ZFR: variants seen among roughly 807,000 people sequenced by gnomAD.
ZFR encodes zinc finger RNA binding protein.
ZFR carries 19 observed loss-of-function variants against 130.7 expected under a neutral mutation model. The observed-to-expected ratio is 0.15, with a 90% confidence interval of 0.10 to 0.21. The LOEUF is 0.21. ZFR is among the 10% of genes least tolerant of loss of function. ZFR has a pLI of 1.00. For missense variants in ZFR, 872 were observed against 1,321.5 expected (o/e 0.66, Z 5.27); for synonymous variants, 466 against 456.9 (o/e 1.02, Z -0.25).
intron 17 of ZFR, among the ~76,000 whole-genome samples, chr5:32,371,422 A>G (rs969907446): frequency 2.0e-5 from 3 of 152,186 alleles, no homozygotes; most frequent in African/African-American, 7.2e-5. Flanking sequence ...AAAATGTAAT[A>G]GCTTGAATCA....
At chr5:32,398,011 C>A (rs1459943514) in intron 9 of ZFR, among the ~76,000 whole-genome samples, 1 of 151,782 alleles carries the variant, frequency 6.6e-6, no homozygotes, top group Non-Finnish European at 1.5e-5. Context: ...GTGCCCACCA[C>A]CACGCCCAGC....
rs2111784575 is a variant in ZFR at position 32,406,928 on chromosome 5, G to A, written c.878C>T (p.Ala293Val). Reference sequence around the variant, plus strand: ...AGCTGTTGCAGCAGCAGCAGCAGCTGCTGCTGCTGCCTGCTTCTGTTGCTG... The same window carrying A: ...AGCTGTTGCAGCAGCAGCAGCAGCTACTGCTGCTGCCTGCTTCTGTTGCTG... ...QQQQQKQAAA[A>V]AAAAAATAAW... is the part of the protein sequence containing the mutation. The change falls in exon 6 of 20, where the codon GCA becomes GTA. Residue 293 changes from alanine (A) to valine (V), a missense_variant. Physicochemically the swap from Ala to Val is moderately conservative, Grantham distance 64. This residue lies in a region of ZFR where 240 missense variants were observed against 441.2 expected (regional missense o/e 0.54). Transcript: ENST00000265069. The A allele has an allele frequency of 2.5e-6, 4 of 1,602,936 alleles. No homozygotes were observed. Among genetic ancestry groups the A allele is most frequent in the Non-Finnish European group, 3.4e-6 (4 of 1,177,348 alleles).
chr5:32,427,374 C>CAAAAAAAAAAAAAAAAAAA (rs540663022), intron 2 of ZFR, among the ~76,000 whole-genome samples: 3 of 66,502 alleles, frequency 4.5e-5, no homozygotes, highest in Admixed American at 1.7e-4. Flanking sequence ...GACTCTGTCT[C>CAAAAAAAAAAAAAAAAAAA]AAAAAAAAAA....
Position 32,436,207 on chromosome 5 carries a change from G to A in ZFR, c.137+8022C>T, listed in dbSNP as rs564158264. Among the ~76,000 whole-genome samples, 14 of 130,432 alleles carry A rather than the reference G, an allele frequency of 1.1e-4. No homozygotes were observed. In the South Asian group the frequency reaches 3.0e-3, roughly 28 times the overall value. 85.6% of individuals were successfully genotyped at this position (130,432 alleles called of 152,430 possible). A position where few individuals can be genotyped will look rare whatever the true frequency, so the allele number is the denominator to read the frequency against. On this transcript the variant is annotated intron_variant, in intron 2 of 19. Coordinates refer to ENST00000265069, the MANE Select transcript of ZFR (RefSeq NM_016107.5). The stretch of plus-strand genomic sequence containing the variant: ...TCTGTCGCCCAGGCTGGAGTGCAGT[G>A]GCGCGATCTCGGCTCACTGCAAGCT...
intron 15 of ZFR, among the ~76,000 whole-genome samples, chr5:32,383,384 A>G (rs920307514): frequency 6.6e-6 from 1 of 152,200 alleles, no homozygotes; most frequent in African/African-American, 2.4e-5. Flanking sequence ...AAAACACACA[A>G]AATACTTAAC....
intron 11 of ZFR, 92 bp from the exon 12 acceptor site, chr5:32,390,529 C>A (rs1753144755): frequency 1.6e-6 from 2 of 1,252,192 alleles, no homozygotes; most frequent in South Asian, 4.2e-5. Context: ...ATAAAAAACC[C>A]CACCAACATC....
intron 6 of ZFR, among the ~76,000 whole-genome samples, chr5:32,405,878 G>A (rs1219196177): frequency 1.3e-5 from 2 of 152,140 alleles, no homozygotes; most frequent in African/African-American, 4.8e-5. Flanking sequence ...ATAACTCAGG[G>A]AATGTTAGAA....
At chr5:32,361,486 G>T (rs1326311728) in intron 19 of ZFR, among the ~76,000 whole-genome samples, 1 of 151,968 alleles carries the variant, frequency 6.6e-6, no homozygotes, top group Non-Finnish European at 1.5e-5. Flanking sequence ...ACTTATAAAA[G>T]GTCCTTCCTA....
chr5:32,360,371 C>T (rs770433508), intron 19 of ZFR, among the ~76,000 whole-genome samples: 4 of 152,206 alleles, frequency 2.6e-5, no homozygotes, highest in Non-Finnish European at 2.9e-5. Flanking sequence ...CCAAGCCCAA[C>T]AGCAGTTACT....
At chr5:32,443,923 G>A (rs781696717) in intron 2 of ZFR, among the ~76,000 whole-genome samples, 1 of 152,180 alleles carries the variant, frequency 6.6e-6, no homozygotes, top group Admixed American at 6.5e-5. Flanking sequence ...GGCTCCGCTC[G>A]GCGGCCGCAG....
chr5:32,443,054 A>AT (rs1421340711), intron 2 of ZFR, among the ~76,000 whole-genome samples: 1 of 152,120 alleles, frequency 6.6e-6, no homozygotes, highest in African/African-American at 2.4e-5. Context: ...TTATTCAAAA[A>AT]AAAAAAATCA....
chr5:32,379,341 G>A, intron 16 of ZFR, 131 bp from the exon 17 acceptor site: 2 of 787,572 alleles, frequency 2.5e-6, no homozygotes, highest in Admixed American at 2.0e-5. Flanking sequence ...ACTTAAAATT[G>A]GATTCAATGA....
intron 2 of ZFR, among the ~76,000 whole-genome samples, chr5:32,428,224 G>A (rs144657899): frequency 1.3e-3 from 201 of 152,230 alleles, no homozygotes; most frequent in Admixed American, 3.6e-3. Context: ...GACCAGTCTG[G>A]CCAACATGGT....
At chr5:32,428,292 T>C (rs1331795850) in intron 2 of ZFR, among the ~76,000 whole-genome samples, 1 of 152,096 alleles carries the variant, frequency 6.6e-6, no homozygotes, top group East Asian at 1.9e-4. Context: ...CACATGCCTG[T>C]AGTCCCAGCT....
chr5:32,434,381 G>A (rs534634090), intron 2 of ZFR, among the ~76,000 whole-genome samples: 184 of 152,254 alleles, frequency 1.2e-3, no homozygotes, highest in Middle Eastern at 3.4e-3. Flanking sequence ...CTGATAATTG[G>A]GAAACATTTT....
chr5:32,411,534 C>T lies in ZFR; in HGVS notation c.784+3435G>A, dbSNP rs562746742. The stretch of plus-strand genomic sequence containing the variant: ...TAAAACCCCGTCTCTACTAAAAATA[C>T]AAAAATGAGCCAGGTATGGTGGTAC... On this transcript the variant is annotated intron_variant, in intron 5 of 19. Coordinates refer to ENST00000265069, the MANE Select transcript of ZFR (RefSeq NM_016107.5). 5.9e-5 allele frequency among the ~76,000 whole-genome samples: 9 copies of T among 151,728 alleles called. No homozygotes were observed. In the East Asian group the frequency reaches 1.5e-3, roughly 26 times the overall value.
intron 3 of ZFR, among the ~76,000 whole-genome samples, 196 bp downstream of exon 3, chr5:32,419,625 A>AC (rs1753908305): frequency 6.6e-6 from 1 of 152,206 alleles, no homozygotes. Context: ...GGCATGAGCC[A>AC]CCGCGCCCAG....
At position 32,355,004 on chromosome 5, in the gene ZFR, T is replaced by C. The variant is rs1752274948; in HGVS notation, c.*756A>G. 1 of 152,236 alleles carries C rather than the reference T, an allele frequency of 6.6e-6. No homozygotes were observed. The highest frequency in any genetic ancestry group is 1.5e-5 in the Non-Finnish European group (1 of 68,034). 9.4% of individuals were successfully genotyped at this position (152,236 alleles called of 1,614,324 possible). A position where few individuals can be genotyped will look rare whatever the true frequency, so the allele number is the denominator to read the frequency against. ...TTTAAAAGTCTATTAAAAACAAGAA[T>C]GTCATGCATTTTTATTATCAATTAT... is the stretch of plus-strand genomic sequence containing the variant. On this transcript the variant is annotated 3_prime_UTR_variant, in exon 20 of 20. Transcript: ENST00000265069.
At chr5:32,416,106 G>A (rs569425095) in intron 4 of ZFR, among the ~76,000 whole-genome samples, 1 of 152,070 alleles carries the variant, frequency 6.6e-6, no homozygotes, top group East Asian at 1.9e-4. Context: ...GAACTTATCT[G>A]CTTATGAAAT....
Sources: gnomAD v4.1 joint callset for allele counts (sites outside exome capture counted in the v4.1 genomes callset) on GRCh38, gnomAD v4.1.1 for gene constraint, gnomAD v4.1.1 regional missense constraint, MANE v1.5 for transcripts, NCBI Gene and HGNC (gene_info 2026-07-23, HGNC 2026-07-21) for gene names.